ARHGAP8: variants seen among roughly 807,000 people sequenced by gnomAD.
ARHGAP8 encodes the protein rho GTPase-activating protein 8.
Under a neutral mutation model 46.1 loss-of-function variants are expected in ARHGAP8, and 62 were observed. The observed-to-expected ratio is 1.34, with a 90% CI of 1.10 to 1.66. The LOEUF is 1.66. Ranked by LOEUF, ARHGAP8 falls within the 40% of genes most tolerant of loss-of-function variation. The pLI, the probability that ARHGAP8 is intolerant of heterozygous loss-of-function variation, is 0.00. For synonymous variants in ARHGAP8, 375 were observed against 243.1 expected (o/e 1.54, Z -5.05); for missense variants, 923 against 568.4 (o/e 1.62, Z -6.34).
intron 5 of ARHGAP8, among the ~76,000 whole-genome samples, chr22:44,819,318 C>T (rs1017827448): frequency 7.2e-5 from 11 of 152,218 alleles, no homozygotes; most frequent in African/African-American, 2.2e-4. Flanking sequence ...CCTCCAGCCT[C>T]GGCCTCTCAA....
intron 2 of ARHGAP8, among the ~76,000 whole-genome samples, chr22:44,789,536 T>C (rs1927511247): frequency 6.6e-6 from 1 of 152,178 alleles, no homozygotes; most frequent in Admixed American, 6.5e-5. Flanking sequence ...GGTCTCACTT[T>C]GTTGCCCAGG....
chr22:44,840,635 C>T (rs113733978), intron 7 of ARHGAP8, among the ~76,000 whole-genome samples: 175 of 152,288 alleles, frequency 1.1e-3, no homozygotes, highest in African/African-American at 3.9e-3. Flanking sequence ...AACTGTAGCT[C>T]GCTGGGCCCG....
rs368395157 is a variant in ARHGAP8, at chr22:44,841,945, T to A, written c.597-3324T>A. Among the ~76,000 whole-genome samples the A allele has an allele frequency of 3.5e-4, 53 of 152,356 alleles. No individual in the cohort carries two copies. In the East Asian group the frequency reaches 4.2e-3, roughly 12 times the overall value. ...GACGGCACCACAGTCTACTCCCGTGTGGCTCCTGATCAGCACCAGGTGCGG... is the reference window on the plus strand; with the variant it reads ...GACGGCACCACAGTCTACTCCCGTGAGGCTCCTGATCAGCACCAGGTGCGG... On this transcript the variant is annotated intron_variant, in intron 7 of 11. Coordinates refer to ENST00000356099, the MANE Select transcript of ARHGAP8 (RefSeq NM_181335.3).
At chr22:44,829,184 G>T (rs187694025) in intron 7 of ARHGAP8, among the ~76,000 whole-genome samples, 1 of 148,588 alleles carries the variant, frequency 6.7e-6, no homozygotes, top group African/African-American at 2.5e-5. Context: ...CCAGCTACTC[G>T]GGAGCCTGAG....
chr22:44,774,428 A>C (rs1173663342), intron 1 of ARHGAP8, among the ~76,000 whole-genome samples: 1 of 152,150 alleles, frequency 6.6e-6, no homozygotes, highest in Non-Finnish European at 1.5e-5. Flanking sequence ...CAACATCAAC[A>C]AAAAAATGCC....
chr22:44,848,499 C>T (rs778284505), intron 9 of ARHGAP8, among the ~76,000 whole-genome samples: 6 of 152,376 alleles, frequency 3.9e-5, no homozygotes, highest in African/African-American at 9.6e-5. Context: ...GTCTTGCTGA[C>T]AAGACTTGCC....
At chr22:44,848,184 C>T (rs2070007039) in intron 9 of ARHGAP8, 134 bp downstream of exon 9, 6 of 1,293,710 alleles carry the variant, frequency 4.6e-6, no homozygotes, top group East Asian at 2.5e-5. Context: ...AGGGTGGGGG[C>T]AGCTTCCCAG....
chr22:44,830,018 C>CTT (rs1930825674), intron 7 of ARHGAP8, among the ~76,000 whole-genome samples: 2 of 117,780 alleles, frequency 1.7e-5, no homozygotes, highest in African/African-American at 7.3e-5. Context: ...TTTTTTTCCT[C>CTT]TCTCTCTTTT....
At chr22:44,829,780 G>A (rs1037365582) in intron 7 of ARHGAP8, among the ~76,000 whole-genome samples, 2 of 152,174 alleles carry the variant, frequency 1.3e-5, no homozygotes, top group African/African-American at 4.8e-5. Flanking sequence ...ATGTTAATTT[G>A]CCAAGTTCAA....
intron 2 of ARHGAP8, among the ~76,000 whole-genome samples, chr22:44,790,581 CAGG>C (rs1263110674): frequency 2.1e-5 from 3 of 143,644 alleles, no homozygotes; most frequent in Middle Eastern, 4.0e-3. Context: ...GAGGCTGAAA[CAGG>C]AGAATCGCTT....
At chr22:44,755,907 G>A (rs536887067) in intron 1 of ARHGAP8, among the ~76,000 whole-genome samples, 1 of 152,114 alleles carries the variant, frequency 6.6e-6, no homozygotes, top group South Asian at 2.1e-4. Context: ...TGGTTTCCTC[G>A]TCTGCAAAAT....
chr22:44,807,888 C>T (rs1356400089), intron 3 of ARHGAP8, among the ~76,000 whole-genome samples: 1 of 152,222 alleles, frequency 6.6e-6, no homozygotes, highest in Non-Finnish European at 1.5e-5. Flanking sequence ...CCTCTGACTT[C>T]TCATCTTCGT....
At position 44,860,943 on chromosome 22, in the gene ARHGAP8, ATTT is replaced by A. The variant is rs151036490; in HGVS notation, c.981+1115_981+1117del. On this transcript the variant is annotated intron_variant, in intron 11 of 11. Coordinates refer to ENST00000356099, the MANE Select transcript of ARHGAP8 (RefSeq NM_181335.3). ...AATGTCACTTCTTGGTTTTACAACAATTTTTTTTCTCCCTGTTGCTTGACATAA... is the reference window on the plus strand; with the variant it reads ...AATGTCACTTCTTGGTTTTACAACAATTTTTCTCCCTGTTGCTTGACATAA... Among the ~76,000 whole-genome samples the A allele has an allele frequency of 9.1e-3, 1,381 of 151,900 alleles. 26 individuals are homozygous for A. Among genetic ancestry groups the A allele is most frequent in the African/African-American group, 0.032 (1,326 of 41,430 alleles).
At chr22:44,775,041 A>C (rs550875291) in intron 1 of ARHGAP8, among the ~76,000 whole-genome samples, 1 of 152,182 alleles carries the variant, frequency 6.6e-6, no homozygotes, top group Non-Finnish European at 1.5e-5. Context: ...CATTTTGGCC[A>C]GGCTGGTCTC....
At chr22:44,813,594 TAC>T (rs1362407993) in intron 4 of ARHGAP8, among the ~76,000 whole-genome samples, 1 of 151,500 alleles carries the variant, frequency 6.6e-6, no homozygotes, top group Non-Finnish European at 1.5e-5. Context: ...CACTTACAGC[TAC>T]ATACACCTAC....
At chr22:44,845,418 C>T in intron 8 of ARHGAP8, 76 bp downstream of exon 8, 1 of 1,597,378 alleles carries the variant, frequency 6.3e-7, no homozygotes, top group Non-Finnish European at 8.5e-7. Context: ...GTCTTGGATC[C>T]TGAGCACCCA....
intron 11 of ARHGAP8, among the ~76,000 whole-genome samples, chr22:44,860,963 TTGACA>T (rs1443936549): frequency 2.0e-4 from 30 of 151,258 alleles, no homozygotes; most frequent in Admixed American, 2.0e-3. Flanking sequence ...TCCCTGTTGC[TTGACA>T]TAATTTCTCA....
chr22:44,817,659 G>A lies in ARHGAP8; in HGVS notation c.386+2901G>A, dbSNP rs138153109. On this transcript the variant is annotated intron_variant, in intron 5 of 11. Transcript: ENST00000356099. ...TCTCTACTAAAAACACAAAAAATTA[G>A]CGGGTGTGGTGGTGGGCGCGTATAA... is the stretch of plus-strand genomic sequence containing the variant. 1.0e-3 allele frequency among the ~76,000 whole-genome samples: 152 copies of A among 152,054 alleles called. 1 individual carries two copies. The highest frequency in any genetic ancestry group is 6.8e-3 in the Middle Eastern group (2 of 294).
intron 2 of ARHGAP8, among the ~76,000 whole-genome samples, chr22:44,792,795 G>GGTA (rs1213984557): frequency 6.0e-5 from 7 of 115,942 alleles, no homozygotes; most frequent in Non-Finnish European, 1.2e-4. Flanking sequence ...TAACGACAGT[G>GGTA]GTGGTGGTGG....
Sources: gnomAD v4.1 joint callset for allele counts (sites outside exome capture counted in the v4.1 genomes callset) on GRCh38, gnomAD v4.1.1 for gene constraint, MANE v1.5 for transcripts, NCBI Gene and HGNC (gene_info 2026-07-23, HGNC 2026-07-21) for gene names.